The following TUSC3 variants were observed in gnomAD, a reference collection of about 807,000 sequenced individuals.
TUSC3 encodes tumor suppressor candidate 3.
Under a neutral mutation model 44.8 loss-of-function variants are expected in TUSC3, and 45 were observed. The ratio of observed to expected loss-of-function variants is 1.00; its 90% CI spans 0.79 to 1.29. The LOEUF (loss-of-function observed/expected upper bound fraction) is 1.29, where lower values mean the gene tolerates loss of function less well. Ranked by LOEUF, TUSC3 falls within the 50% of genes most tolerant of loss-of-function variation. The pLI, the probability that TUSC3 is intolerant of heterozygous loss-of-function variation, is 0.00. For synonymous variants in TUSC3, 212 were observed against 152.9 expected (o/e 1.39, Z -2.85); for missense variants, 519 against 437.9 (o/e 1.19, Z -1.65).
chr8:15,833,799 A>G, the TUSC3 span, among the ~76,000 whole-genome samples: 1 of 151,982 alleles, frequency 6.6e-6, no homozygotes, highest in Non-Finnish European at 1.5e-5. Flanking sequence ...TTACAAGTTT[A>G]CCTATATAAC....
chr8:15,540,468 C>T lies in TUSC3; in HGVS notation c.38C>T (p.Ala13Val), dbSNP rs200808372. Residue 13 changes from alanine to valine, a missense_variant, in exon 1 of 11, where the codon GCG (alanine) becomes GTG (valine). Transcript: ENST00000503731. ...ARGAPSRRRQ[A>V]GRRLRYLPTG... ...GGCGCTCCTTCACGCCGTAGGCAAG[C>T]GGGGCGGCGGCTGCGGTACCTGCCC... is the stretch of plus-strand genomic sequence containing the variant. The T allele has an allele frequency of 6.8e-4, 1,086 of 1,605,990 alleles. 2 individuals carry two copies. Among genetic ancestry groups the T allele is most frequent in the Middle Eastern group, 1.7e-3 (10 of 5,956 alleles).
At chr8:15,561,424 A>C (rs1285850281) in intron 1 of TUSC3, among the ~76,000 whole-genome samples, 4 of 139,366 alleles carry the variant, frequency 2.9e-5, no homozygotes, top group South Asian at 4.8e-4. Context: ...AGACAGGGAC[A>C]TTTAAGTCTG....
At chr8:15,810,176 C>T in the TUSC3 span, among the ~76,000 whole-genome samples, 302 of 152,230 alleles carry the variant, frequency 2.0e-3, 1 homozygote, top group African/African-American at 6.6e-3. Flanking sequence ...CACTCCAGAA[C>T]AACTGAATCA....
chr8:15,629,358 C>T (rs1805655938), intron 2 of TUSC3, among the ~76,000 whole-genome samples: 2 of 152,052 alleles, frequency 1.3e-5, no homozygotes, highest in Admixed American at 1.3e-4. Context: ...CAGGAGAGCT[C>T]TGTAATCCAT....
chr8:15,451,076 C>G (rs1443877139), intron 1 of TUSC3, among the ~76,000 whole-genome samples: 1 of 152,068 alleles, frequency 6.6e-6, no homozygotes, highest in African/African-American at 2.4e-5. Flanking sequence ...AAAATCTAAT[C>G]CATAATGCTG....
chr8:15,467,183 G>T (rs1800425359), intron 1 of TUSC3, among the ~76,000 whole-genome samples: 1 of 151,666 alleles, frequency 6.6e-6, no homozygotes, highest in African/African-American at 2.4e-5. Flanking sequence ...GGTGTTTTAA[G>T]GGTAGTCAAC....
intron 1 of TUSC3, among the ~76,000 whole-genome samples, chr8:15,598,777 A>G (rs1804167410): frequency 1.3e-5 from 2 of 150,518 alleles, no homozygotes; most frequent in Admixed American, 1.3e-4. Context: ...TTGATAGCTC[A>G]TTTTTTTTTA....
At chr8:15,450,310 C>A (rs1563254014) in intron 1 of TUSC3, among the ~76,000 whole-genome samples, 2 of 151,856 alleles carry the variant, frequency 1.3e-5, no homozygotes, top group Admixed American at 1.3e-4. Flanking sequence ...AGAAAACTGC[C>A]CCTTTATACA....
intron 2 of TUSC3, among the ~76,000 whole-genome samples, chr8:15,632,448 A>C (rs1402899470): frequency 6.6e-6 from 1 of 152,180 alleles, no homozygotes; most frequent in East Asian, 1.9e-4. Flanking sequence ...TGCTGAGATT[A>C]ATCACTTGAT....
chr8:15,723,968 C>T (rs548297900), intron 6 of TUSC3, among the ~76,000 whole-genome samples: 21 of 152,230 alleles, frequency 1.4e-4, no homozygotes, highest in African/African-American at 5.1e-4. Context: ...CTCTAAAAGT[C>T]AGATGTTGAA....
intron 1 of TUSC3, among the ~76,000 whole-genome samples, chr8:15,594,980 T>G (rs964267240): frequency 6.6e-6 from 1 of 151,978 alleles, no homozygotes; most frequent in African/African-American, 2.4e-5. Flanking sequence ...CTACCCTAGG[T>G]TTTATACTTC....
At chr8:15,597,247 T>A (rs1200514430) in intron 1 of TUSC3, among the ~76,000 whole-genome samples, 1 of 152,122 alleles carries the variant, frequency 6.6e-6, no homozygotes, top group Non-Finnish European at 1.5e-5. Context: ...CAACTCAGGA[T>A]CTGTCTACAC....
At chr8:15,640,480 A>G (rs537435590) in intron 2 of TUSC3, among the ~76,000 whole-genome samples, 1 of 152,202 alleles carries the variant, frequency 6.6e-6, no homozygotes, top group African/African-American at 2.4e-5. Flanking sequence ...CCAACACACA[A>G]CCTTTTAATA....
intron 1 of TUSC3, among the ~76,000 whole-genome samples, chr8:15,418,493 C>A (rs931642854): frequency 2.0e-5 from 3 of 152,120 alleles, no homozygotes; most frequent in Admixed American, 1.3e-4. Flanking sequence ...ATTAATCCCA[C>A]AGGGCTGTCA....
At chr8:15,836,188 T>A in the TUSC3 span, among the ~76,000 whole-genome samples, 1 of 151,858 alleles carries the variant, frequency 6.6e-6, no homozygotes, top group African/African-American at 2.4e-5. Context: ...AGTTTAAAAG[T>A]AACACAGCTG....
chr8:15,576,284 T>TTTTTA (rs1554517171), intron 1 of TUSC3, among the ~76,000 whole-genome samples: 4 of 141,758 alleles, frequency 2.8e-5, no homozygotes, highest in South Asian at 2.2e-4. Flanking sequence ...CTCTTGTTTT[T>TTTTTA]TTTTTTTATT....
chr8:15,489,749 G>A (rs1800780396), intron 2 of TUSC3, among the ~76,000 whole-genome samples: 1 of 152,182 alleles, frequency 6.6e-6, no homozygotes, highest in African/African-American at 2.4e-5. Context: ...AGGGAGAAAA[G>A]TATAATGAGG....
chr8:15,569,222 T>G (rs1802781076), intron 1 of TUSC3, among the ~76,000 whole-genome samples: 1 of 152,204 alleles, frequency 6.6e-6, no homozygotes, highest in Non-Finnish European at 1.5e-5. Context: ...TACTGTAAGA[T>G]AGATAAGCTA....
At chr8:15,482,694 C>T (rs959777860) in intron 1 of TUSC3, among the ~76,000 whole-genome samples, 1 of 152,010 alleles carries the variant, frequency 6.6e-6, no homozygotes, top group Admixed American at 6.6e-5. Flanking sequence ...GAAATACATA[C>T]ATGAAATAAA....
Sources: gnomAD v4.1 joint callset for allele counts (sites outside exome capture counted in the v4.1 genomes callset) on GRCh38, gnomAD v4.1.1 for gene constraint, MANE v1.5 for transcripts, NCBI Gene and HGNC (gene_info 2026-07-23, HGNC 2026-07-21) for gene names.